Variants in CADM2 observed in about 807,000 individuals in gnomAD.
CADM2 encodes immunoglobulin superfamily member 4D.
A neutral mutation model predicts 49.8 loss-of-function variants in CADM2; 12 were observed. That is an observed-to-expected ratio of 0.24 (90% CI 0.15 to 0.39). The LOEUF is 0.39. CADM2 is among the 10% of genes least tolerant of loss of function. The pLI, the probability that CADM2 is intolerant of heterozygous loss-of-function variation, is 1.00. For synonymous variants in CADM2, 214 were observed against 175.4 expected (o/e 1.22, Z -1.74); for missense variants, 378 against 492.3 (o/e 0.77, Z 2.20).
chr3:85,901,759 T>C (rs998625938), intron 5 of CADM2, among the ~76,000 whole-genome samples: 2 of 152,166 alleles, frequency 1.3e-5, no homozygotes, highest in African/African-American at 4.8e-5. Context: ...ATTTTTATGA[T>C]TCTACAAGAA....
intron 8 of CADM2, among the ~76,000 whole-genome samples, chr3:86,056,339 C>T (rs905325628): frequency 6.6e-6 from 1 of 152,124 alleles, no homozygotes; most frequent in East Asian, 1.9e-4. Flanking sequence ...CAAAAAAGAT[C>T]GCTGAAAGGA....
intron 5 of CADM2, among the ~76,000 whole-genome samples, chr3:85,891,495 T>C (rs536273920): frequency 8.0e-4 from 122 of 152,172 alleles, no homozygotes; most frequent in Non-Finnish European, 1.5e-3. Flanking sequence ...TCGAATATGA[T>C]ACTTTATATT....
chr3:85,041,780 T>TA (rs2107366245), intron 1 of CADM2, among the ~76,000 whole-genome samples: 1 of 152,302 alleles, frequency 6.6e-6, no homozygotes, highest in African/African-American at 2.4e-5. Context: ...AAAATGGTGT[T>TA]ACTGTTTCGT....
At chr3:85,550,451 T>C (rs62253968) in intron 1 of CADM2, among the ~76,000 whole-genome samples, 90,323 of 151,978 alleles carry the variant, frequency 0.59, 28,326 homozygotes, top group East Asian at 0.93. Flanking sequence ...TTCTCAGTCC[T>C]TAACCTAGAT....
At chr3:85,516,612 CT>C (rs1206600885) in intron 1 of CADM2, among the ~76,000 whole-genome samples, 1 of 151,824 alleles carries the variant, frequency 6.6e-6, no homozygotes, top group African/African-American at 2.4e-5. Flanking sequence ...TTAGTGTAGC[CT>C]TTTTTCCCCA....
At position 85,811,857 on chromosome 3, in the gene CADM2, GTT is replaced by G. The variant is rs754800114; in HGVS notation, c.238+9678_238+9679del. Among the ~76,000 whole-genome samples the G allele has an allele frequency of 4.1e-4, 47 of 115,402 alleles. 1 individual carries two copies. Among genetic ancestry groups the G allele is most frequent in the African/African-American group, 9.9e-4 (31 of 31,406 alleles). 75.7% of individuals were successfully genotyped at this position (115,402 alleles called of 152,430 possible). On this transcript the variant is annotated intron_variant, in intron 3 of 9. Transcript: ENST00000383699. ...CCAGTTTCCTGGAAAATGCCTTGATGTTTTTTTTTTTTTTTTTTGTGATACTT... is the reference window on the plus strand; with the variant it reads ...CCAGTTTCCTGGAAAATGCCTTGATGTTTTTTTTTTTTTTTTGTGATACTT...
chr3:85,109,470 C>A (rs2038371406), intron 1 of CADM2, among the ~76,000 whole-genome samples: 1 of 151,794 alleles, frequency 6.6e-6, no homozygotes, highest in African/African-American at 2.4e-5. Flanking sequence ...ATAGTAAAGA[C>A]TCAAGAGTTC....
chr3:85,067,308 T>A (rs2036563042), intron 1 of CADM2, among the ~76,000 whole-genome samples: 1 of 152,040 alleles, frequency 6.6e-6, no homozygotes, highest in African/African-American at 2.4e-5. Context: ...TGTGTGTGTG[T>A]GGTTTTGTTA....
intron 6 of CADM2, among the ~76,000 whole-genome samples, chr3:85,923,086 G>A (rs1403928755): frequency 6.6e-6 from 1 of 152,030 alleles, no homozygotes; most frequent in African/African-American, 2.4e-5. Context: ...GCCTCCCAAA[G>A]TGCTGGGATT....
chr3:85,896,703 G>A (rs980053870), intron 5 of CADM2, among the ~76,000 whole-genome samples: 3 of 152,196 alleles, frequency 2.0e-5, no homozygotes, highest in Admixed American at 2.0e-4. Flanking sequence ...GTTTCCTTGT[G>A]TGAGTAGGTT....
At chr3:85,179,463 C>A (rs997652470) in intron 1 of CADM2, among the ~76,000 whole-genome samples, 1 of 151,442 alleles carries the variant, frequency 6.6e-6, no homozygotes, top group Admixed American at 6.6e-5. Context: ...TGGTATGTTT[C>A]TTTTATGTAT....
intron 8 of CADM2, among the ~76,000 whole-genome samples, chr3:86,033,355 A>C (rs1734766833): frequency 2.6e-5 from 4 of 151,866 alleles, no homozygotes; most frequent in African/African-American, 9.7e-5. Context: ...TAAGAGAAAA[A>C]CTTTTTTGAA....
At chr3:86,016,400 A>G (rs1233213107) in intron 8 of CADM2, among the ~76,000 whole-genome samples, 1 of 152,228 alleles carries the variant, frequency 6.6e-6, no homozygotes, top group Non-Finnish European at 1.5e-5. Context: ...AGAATAAGAG[A>G]AAATTGTGCA....
intron 1 of CADM2, among the ~76,000 whole-genome samples, chr3:85,150,304 A>C (rs975395492): frequency 6.6e-6 from 1 of 152,320 alleles, no homozygotes; most frequent in East Asian, 1.9e-4. Context: ...CAGAGGAGGA[A>C]TTCCAGAGTG....
chr3:85,273,058 T>C (rs929953876), intron 1 of CADM2, among the ~76,000 whole-genome samples: 3 of 151,066 alleles, frequency 2.0e-5, no homozygotes, highest in Non-Finnish European at 3.0e-5. Context: ...GGATGAAATT[T>C]TGAGGAACGT....
chr3:85,666,565 C>T (rs1365371200), intron 1 of CADM2, among the ~76,000 whole-genome samples: 2 of 151,806 alleles, frequency 1.3e-5, no homozygotes, highest in South Asian at 2.1e-4. Context: ...TGAAGACCTC[C>T]CCAAACCAGG....
chr3:85,039,845 G>A (rs543458187), intron 1 of CADM2, among the ~76,000 whole-genome samples: 8 of 152,288 alleles, frequency 5.3e-5, no homozygotes, highest in African/African-American at 1.9e-4. Context: ...TAACTGCGTA[G>A]CAATAACAGT....
intron 1 of CADM2, among the ~76,000 whole-genome samples, chr3:84,991,885 G>A (rs1187819312): frequency 6.6e-6 from 1 of 152,158 alleles, no homozygotes; most frequent in African/African-American, 2.4e-5. Flanking sequence ...TTAAGTAAAA[G>A]AAGCCAATCT....
chr3:85,605,364 A>G (rs538740353), intron 1 of CADM2, among the ~76,000 whole-genome samples: 1 of 152,186 alleles, frequency 6.6e-6, no homozygotes, highest in African/African-American at 2.4e-5. Flanking sequence ...AAGAGAGAAG[A>G]ATTTTTAGAA....
Sources: gnomAD v4.1 joint callset for allele counts (sites outside exome capture counted in the v4.1 genomes callset) on GRCh38, gnomAD v4.1.1 for gene constraint, MANE v1.5 for transcripts, NCBI Gene and HGNC (gene_info 2026-07-23, HGNC 2026-07-21) for gene names.